The following MIOS variants were observed in gnomAD, a reference collection of about 807,000 sequenced individuals.
MIOS encodes the protein meiosis regulator for oocyte development.
Under a neutral mutation model 96.9 loss-of-function variants are expected in MIOS, and 52 were observed. The ratio of observed to expected loss-of-function variants is 0.54; its 90% CI spans 0.43 to 0.68. MIOS has a LOEUF of 0.68. MIOS is among the 30% of genes least tolerant of loss of function. The probability of loss-of-function intolerance (pLI) is 0.00; values close to 1 mark genes in which losing one functional copy is unlikely to be tolerated. For synonymous variants in MIOS, 397 were observed against 359.5 expected, an observed-to-expected ratio of 1.10 and a Z score of -1.18; for missense variants, 1,005 against 1,052.8, an observed-to-expected ratio of 0.95 and a Z score of 0.63.
At chr7:7,602,575 G>C (rs1371263866) in intron 11 of MIOS, among the ~76,000 whole-genome samples, 1 of 152,048 alleles carries the variant, frequency 6.6e-6, no homozygotes, top group East Asian at 1.9e-4. Context: ...AAATAAAAGA[G>C]GATACAAACA....
intron 8 of MIOS, 126 bp from the exon 9 acceptor site, chr7:7,589,279 A>G: frequency 1.3e-6 from 1 of 753,564 alleles, no homozygotes; most frequent in Non-Finnish European, 2.1e-6. Context: ...AAATATTTAT[A>G]TTTTAGTAAA....
At chr7:7,591,663 A>G (rs1693943422) in intron 9 of MIOS, among the ~76,000 whole-genome samples, 1 of 152,118 alleles carries the variant, frequency 6.6e-6, no homozygotes, top group South Asian at 2.1e-4. Context: ...TATGTAGGAT[A>G]ATCTTTTTGG....
At position 7,584,968 on chromosome 7, in the gene MIOS, C is replaced by A. The variant is rs147995595; in HGVS notation, c.1649-668C>A. ...TGGTAATTCTTGTAGTTCATTTTGT[C>A]CTGGAAAAATTGTAAGTGTAATACT... is the stretch of plus-strand genomic sequence containing the variant. On this transcript the variant is annotated intron_variant, in intron 6 of 12. Coordinates refer to ENST00000340080, the MANE Select transcript of MIOS (RefSeq NM_019005.4). Among the ~76,000 whole-genome samples the A allele has an allele frequency of 3.6e-3, 554 of 152,086 alleles. 3 individuals carry two copies. The highest frequency in any genetic ancestry group is 6.1e-3 in the Non-Finnish European group (413 of 67,964).
At chr7:7,594,936 C>T (rs372640122) in intron 9 of MIOS, 44 bp from the exon 10 acceptor site, 69 of 1,507,598 alleles carry the variant, frequency 4.6e-5, no homozygotes, top group African/African-American at 3.7e-4. Context: ...CTGGCCTAGC[C>T]AGGAGATTTT....
intron 11 of MIOS, among the ~76,000 whole-genome samples, chr7:7,603,701 T>C (rs551879490): frequency 2.0e-5 from 3 of 152,222 alleles, no homozygotes; most frequent in Non-Finnish European, 1.5e-5. Flanking sequence ...ACCCAGCCAT[T>C]CTATTACTGG....
At chr7:7,577,110 A>G (rs1783560467) in intron 5 of MIOS, among the ~76,000 whole-genome samples, 2 of 152,172 alleles carry the variant, frequency 1.3e-5, no homozygotes, top group Non-Finnish European at 2.9e-5. Context: ...AGTAAATGGA[A>G]TTGTTTGGAG....
At chr7:7,574,996 A>G (rs558463890) in intron 5 of MIOS, among the ~76,000 whole-genome samples, 17 of 152,226 alleles carry the variant, frequency 1.1e-4, no homozygotes, top group African/African-American at 3.8e-4. Flanking sequence ...TCCGATGAGC[A>G]TTTCCTTTGA....
At chr7:7,594,523 G>A (rs867403519) in intron 9 of MIOS, among the ~76,000 whole-genome samples, 1 of 152,116 alleles carries the variant, frequency 6.6e-6, no homozygotes, top group Non-Finnish European at 1.5e-5. Context: ...TCGAACTCCT[G>A]ACGTCAAGTG....
intron 6 of MIOS, among the ~76,000 whole-genome samples, chr7:7,585,043 T>C (rs186779619): frequency 1.0e-3 from 158 of 152,306 alleles, no homozygotes; most frequent in Non-Finnish European, 1.5e-3. Flanking sequence ...TTGACACTTA[T>C]ATACATAAGT....
intron 11 of MIOS, among the ~76,000 whole-genome samples, chr7:7,598,334 C>T (rs1223524229): frequency 6.6e-6 from 1 of 152,120 alleles, no homozygotes; most frequent in Non-Finnish European, 1.5e-5. Flanking sequence ...AAGTAGTCTG[C>T]TTTATCATTA....
intron 5 of MIOS, among the ~76,000 whole-genome samples, chr7:7,578,820 C>T (rs975075492): frequency 3.3e-5 from 5 of 151,890 alleles, no homozygotes; most frequent in East Asian, 1.9e-4. Flanking sequence ...AAGTGATTTT[C>T]GTGCCTCAGC....
intron 5 of MIOS, among the ~76,000 whole-genome samples, chr7:7,576,970 T>C (rs1019622469): frequency 2.0e-5 from 3 of 151,962 alleles, no homozygotes; most frequent in Admixed American, 1.3e-4. Context: ...ACAGGAAGAG[T>C]ATTTGGGTTT....
chr7:7,573,590 G>A lies in MIOS; in HGVS notation c.1115G>A (p.Arg372His), dbSNP rs765030851. 4.6e-5 allele frequency: 74 copies of A among 1,613,864 alleles called. 1 individual carries two copies. Among genetic ancestry groups the A allele is most frequent in the Admixed American group, 3.8e-4 (23 of 59,986 alleles). The change falls in exon 4 of 13, where the codon CGT becomes CAT. Residue 372 changes from arginine (R) to histidine (H), a missense_variant. Physicochemically the swap from Arg to His is conservative, Grantham distance 29. This residue lies in a region of MIOS where 865 missense variants were observed against 887.9 expected (regional missense o/e 0.97). Transcript: ENST00000340080. The surrounding 1 kb of genome is among the most constrained non-coding windows in gnomAD (Gnocchi z 5.0). ...ACATCTTTAATGTGGGCTTGTGGTC[G>A]TCATTTATATGAATGTACGGAAGAA... ...PITSLMWACG[R>H]HLYECTEEEN...
At chr7:7,574,025 C>G in intron 4 of MIOS, 73 bp from the exon 5 acceptor site, 1 of 1,219,790 alleles carries the variant, frequency 8.2e-7, no homozygotes. Context: ...TATGAATTGG[C>G]TCCAAATCAA....
At chr7:7,601,947 C>A (rs528911529) in intron 11 of MIOS, among the ~76,000 whole-genome samples, 2 of 151,838 alleles carry the variant, frequency 1.3e-5, no homozygotes, top group Non-Finnish European at 2.9e-5. Flanking sequence ...TAATCCAGCA[C>A]ATAAACAGAA....
Position 7,579,552 on chromosome 7 carries a change from A to G in MIOS, c.1394-3566A>G, listed in dbSNP as rs571040543. On this transcript the variant is annotated intron_variant, in intron 5 of 12. Transcript: ENST00000340080. ...GCAGTATTCAGTACAGTAACTTGCT[A>G]TAAAGCAGAGGTGTCCAATCTTGTC... Among the ~76,000 whole-genome samples, 6 of 152,368 alleles carry G rather than the reference A, an allele frequency of 3.9e-5. No homozygotes were observed. In the East Asian group the frequency reaches 1.2e-3, roughly 29 times the overall value.
rs78454112 is a variant in MIOS, at chr7:7,576,194, A to G, written c.1393+1998A>G. On this transcript the variant is annotated intron_variant, in intron 5 of 12. Coordinates refer to ENST00000340080, the MANE Select transcript of MIOS (RefSeq NM_019005.4). Reference sequence around the variant, plus strand: ...TGTTACTTTAATTTTTACAACTACAATATGAAGTAAGCTCATTCATTCAGC... The same window carrying G: ...TGTTACTTTAATTTTTACAACTACAGTATGAAGTAAGCTCATTCATTCAGC... Among the ~76,000 whole-genome samples, 50 of 152,308 alleles carry G rather than the reference A, an allele frequency of 3.3e-4. No individual in the cohort carries two copies. The East Asian group carries it at 8.3e-3, about 25-fold the overall frequency.
chr7:7,605,808 C>T, intron 11 of MIOS, 134 bp from the exon 12 acceptor site: 6 of 851,106 alleles, frequency 7.0e-6, no homozygotes, highest in Non-Finnish European at 1.0e-5. Flanking sequence ...TAAACTAGAA[C>T]CTACCATCAA....
intron 5 of MIOS, among the ~76,000 whole-genome samples, chr7:7,578,429 A>G (rs1290073828): frequency 6.6e-6 from 1 of 152,134 alleles, no homozygotes; most frequent in Non-Finnish European, 1.5e-5. Flanking sequence ...GGAGGTTGAG[A>G]TAGGAGGATC....
Sources: gnomAD v4.1 joint callset for allele counts (sites outside exome capture counted in the v4.1 genomes callset) on GRCh38, gnomAD v4.1.1 for gene constraint, gnomAD v4.1.1 regional missense constraint, Gnocchi (gnomAD v3.1) non-coding constraint, MANE v1.5 for transcripts, NCBI Gene and HGNC (gene_info 2026-07-23, HGNC 2026-07-21) for gene names.